CLIP4: variants seen among roughly 807,000 people sequenced by gnomAD.
CLIP4 encodes CAP-Gly domain containing linker protein family member 4.
A neutral mutation model predicts 73.1 loss-of-function variants in CLIP4; 47 were observed. The ratio of observed to expected loss-of-function variants is 0.64; its 90% CI spans 0.51 to 0.82. The LOEUF (loss-of-function observed/expected upper bound fraction) is 0.82. Among genes scored for constraint, CLIP4 ranks in the 40% least tolerant of loss-of-function variants. CLIP4 has a pLI of 0.00. For synonymous variants in CLIP4, 306 were observed against 295.4 expected, an observed-to-expected ratio of 1.04 and a Z score of -0.37; for missense variants, 874 against 852.9, an observed-to-expected ratio of 1.02 and a Z score of -0.31.
chr2:29,108,676 A>G (rs1235572581), intron 1 of CLIP4, among the ~76,000 whole-genome samples: 1 of 152,190 alleles, frequency 6.6e-6, no homozygotes, highest in East Asian at 1.9e-4. Context: ...CTTATTTTTA[A>G]GGGAGCACAT....
chr2:29,121,565 G>A (rs1572882152), intron 2 of CLIP4, 44 bp downstream of exon 2: 1 of 1,600,974 alleles, frequency 6.2e-7, no homozygotes, highest in Non-Finnish European at 8.5e-7. Flanking sequence ...CTGGTAACTT[G>A]ACTTCTCTGT....
At chr2:29,113,746 C>T (rs1173273345), upstream of CLIP4, among the ~76,000 whole-genome samples, 1 of 152,170 alleles carries the variant, frequency 6.6e-6, no homozygotes, top group African/African-American at 2.4e-5. This position sits in a 1 kb window ranked among gnomAD's most constrained non-coding sequence, Gnocchi z 4.0. Flanking sequence ...TAATTTAAAT[C>T]AGCAATAAAA....
At chr2:29,161,604 G>A (rs1395612098) in intron 12 of CLIP4, among the ~76,000 whole-genome samples, 4 of 152,182 alleles carry the variant, frequency 2.6e-5, no homozygotes, top group Non-Finnish European at 5.9e-5. Context: ...CATAGCAGTA[G>A]CCAGAGTATC....
intron 1 of CLIP4, among the ~76,000 whole-genome samples, chr2:29,119,721 C>T (rs1664127677): frequency 6.6e-6 from 1 of 152,226 alleles, no homozygotes; most frequent in Non-Finnish European, 1.5e-5. Flanking sequence ...TCCCAAGTTC[C>T]AGCCTACTGT....
At chr2:29,101,960 G>A (rs1319560756) in intron 1 of CLIP4, among the ~76,000 whole-genome samples, 1 of 152,206 alleles carries the variant, frequency 6.6e-6, no homozygotes, top group Non-Finnish European at 1.5e-5. Context: ...AGAATTTTGT[G>A]TGTGCACATA....
At position 29,183,301 on chromosome 2, in the gene CLIP4, A is replaced by G. The variant is rs374129905; in HGVS notation, c.*1408A>G. 8 of 152,764 alleles carry G rather than the reference A, an allele frequency of 5.2e-5. 1 individual carries two copies. In the South Asian group the frequency reaches 8.3e-4, roughly 16 times the overall value. 9.5% of individuals were successfully genotyped at this position (152,764 alleles called of 1,614,324 possible). A position where few individuals can be genotyped will look rare whatever the true frequency, so the allele number is the denominator to read the frequency against. ...ATAATATGTTGAACTATTTTGCAATATACTATTTTAAATCTAAATTCTGTC... is the reference window on the plus strand; with the variant it reads ...ATAATATGTTGAACTATTTTGCAATGTACTATTTTAAATCTAAATTCTGTC... On this transcript the variant is annotated 3_prime_UTR_variant, in exon 16 of 16. Transcript: ENST00000320081.
intron 15 of CLIP4, chr2:29,174,654 C>A: frequency 7.7e-7 from 1 of 1,296,156 alleles, no homozygotes. Context: ...AAAACTAGTG[C>A]ACTGCATATA....
chr2:29,114,465 G>A (rs1668470638), upstream of CLIP4, among the ~76,000 whole-genome samples: 1 of 152,208 alleles, frequency 6.6e-6, no homozygotes, highest in Non-Finnish European at 1.5e-5. Flanking sequence ...AGCTCCTAAG[G>A]TAGAAAATTT....
intron 2 of CLIP4, among the ~76,000 whole-genome samples, chr2:29,123,536 G>A (rs1171347769): frequency 2.6e-5 from 4 of 152,204 alleles, no homozygotes; most frequent in Admixed American, 1.3e-4. Flanking sequence ...GTGGTCATTC[G>A]GAGAATCAGA....
Position 29,183,613 on chromosome 2 carries a change from T to C in CLIP4, c.*1720T>C, listed in dbSNP as rs556995788. The C allele has an allele frequency of 1.0e-4, 16 of 152,770 alleles. No individual in the cohort carries two copies. Among genetic ancestry groups the C allele is most frequent in the South Asian group, 2.1e-4 (1 of 4,824 alleles). 9.5% of individuals were successfully genotyped at this position (152,770 alleles called of 1,614,324 possible). On this transcript the variant is annotated 3_prime_UTR_variant, in exon 16 of 16. Transcript: ENST00000320081. ...TAAGTTAAAAACAGTAATGCCAACA[T>C]TGAATTTATTTTTGAGGTCAAAGAA... is the stretch of plus-strand genomic sequence containing the variant.
intron 10 of CLIP4, 48 bp from the exon 11 acceptor site, chr2:29,157,156 G>T (rs1479031519): frequency 5.2e-6 from 8 of 1,540,566 alleles, no homozygotes; most frequent in Non-Finnish European, 7.2e-6. Context: ...CTGCTTCTTG[G>T]TCCACATCTT....
chr2:29,149,525 G>C (rs1370729174), intron 8 of CLIP4, among the ~76,000 whole-genome samples: 1 of 150,672 alleles, frequency 6.6e-6, no homozygotes, highest in African/African-American at 2.4e-5. Flanking sequence ...ATGTTTATCT[G>C]GAAATTTGTT....
chr2:29,141,778 A>T (rs886651534), intron 6 of CLIP4, among the ~76,000 whole-genome samples: 2 of 151,354 alleles, frequency 1.3e-5, no homozygotes, highest in East Asian at 1.9e-4. Flanking sequence ...TTCCCACTCT[A>T]TGTCTTTTGA....
chr2:29,141,740 G>A (rs1665782198), intron 6 of CLIP4, among the ~76,000 whole-genome samples: 1 of 152,048 alleles, frequency 6.6e-6, no homozygotes. Context: ...ACAGCAGAAG[G>A]ACAAGTCTTC....
At chr2:29,174,192 G>T (rs994945866) in intron 14 of CLIP4, among the ~76,000 whole-genome samples, 181 bp from the exon 15 acceptor site, 1 of 152,018 alleles carries the variant, frequency 6.6e-6, no homozygotes, top group Non-Finnish European at 1.5e-5. Flanking sequence ...AGTTCAAGCA[G>T]TCTTCCCACT....
chr2:29,172,170 A>C (rs1041354434), intron 14 of CLIP4, among the ~76,000 whole-genome samples: 15 of 152,224 alleles, frequency 9.9e-5, no homozygotes, highest in African/African-American at 3.4e-4. Context: ...AAATCATTAG[A>C]AACTGAGTTG....
At position 29,181,249 on chromosome 2, in the gene CLIP4, T is replaced by A. The variant is rs549570769; in HGVS notation, c.1797-323T>A. On this transcript the variant is annotated intron_variant, in intron 15 of 15. Transcript: ENST00000320081. ...AAATAGAAGCGGATCATCATAAAGA[T>A]CTTCTTCTTCATTGTCCTCACTTTG... Among the ~76,000 whole-genome samples the A allele has an allele frequency of 3.1e-4, 47 of 152,302 alleles. 1 individual carries two copies. In the South Asian group the frequency reaches 9.5e-3, roughly 31 times the overall value.
At chr2:29,107,375 T>TTG (rs1668252705) in intron 1 of CLIP4, among the ~76,000 whole-genome samples, 1 of 129,226 alleles carries the variant, frequency 7.7e-6, no homozygotes, top group African/African-American at 2.9e-5. Flanking sequence ...TTTTTTTTTT[T>TTG]TTTTTTTTTT....
chr2:29,116,000 G>A lies in CLIP4; in HGVS notation c.-16+335G>A, dbSNP rs868572694. ...GCTCTGGGCCACGACCGCCAGCCGC[G>A]GCTGCCCCGAGAGTCCCCGCACGCG... is the stretch of plus-strand genomic sequence containing the variant. On this transcript the variant is annotated intron_variant, in intron 1 of 15. Coordinates refer to ENST00000320081, the MANE Select transcript of CLIP4 (RefSeq NM_024692.6). The surrounding 1 kb of genome is among the most constrained non-coding windows in gnomAD (Gnocchi z 5.1). Among the ~76,000 whole-genome samples the A allele has an allele frequency of 3.3e-5, 5 of 152,190 alleles. No homozygotes were observed. The highest frequency in any genetic ancestry group is 1.2e-4 in the African/African-American group (5 of 41,458).
Sources: gnomAD v4.1 joint callset for allele counts (sites outside exome capture counted in the v4.1 genomes callset) on GRCh38, gnomAD v4.1.1 for gene constraint, Gnocchi (gnomAD v3.1) non-coding constraint, MANE v1.5 for transcripts, NCBI Gene and HGNC (gene_info 2026-07-23, HGNC 2026-07-21) for gene names.